Variants in EXOC4 observed in about 807,000 individuals in gnomAD.
The protein encoded by EXOC4 is SEC8-like 1.
Under a neutral mutation model 107.2 loss-of-function variants are expected in EXOC4, and 71 were observed. The ratio of observed to expected loss-of-function variants is 0.66; its 90% CI spans 0.55 to 0.81. The LOEUF (loss-of-function observed/expected upper bound fraction) is 0.81. EXOC4 is among the 30% of genes least tolerant of loss of function. The probability of loss-of-function intolerance (pLI) is 0.00; values close to 1 mark genes in which losing one functional copy is unlikely to be tolerated. For missense variants in EXOC4, 1,108 were observed against 1,189.6 expected, an observed-to-expected ratio of 0.93 and a Z score of 1.01; for synonymous variants, 456 against 441.2, an observed-to-expected ratio of 1.03 and a Z score of -0.42.
At position 133,921,076 on chromosome 7, in the gene EXOC4, C is replaced by A. The variant is rs114185082; in HGVS notation, c.2027+3338C>A. On this transcript the variant is annotated intron_variant, in intron 13 of 17. Coordinates refer to ENST00000253861, the MANE Select transcript of EXOC4 (RefSeq NM_021807.4). The stretch of plus-strand genomic sequence containing the variant: ...AGAACATCCACCATCCACCATTTGC[C>A]AGCTGCAGAACAAGGAAAGTCAGTG... Among the ~76,000 whole-genome samples the A allele has an allele frequency of 2.4e-3, 363 of 152,228 alleles. 5 individuals are homozygous for A. Among genetic ancestry groups the A allele is most frequent in the African/African-American group, 8.2e-3 (339 of 41,536 alleles).
intron 17 of EXOC4, among the ~76,000 whole-genome samples, chr7:134,037,511 G>T (rs1479241147): frequency 6.6e-6 from 1 of 152,046 alleles, no homozygotes; most frequent in Admixed American, 6.6e-5. Flanking sequence ...AATTCGTTTC[G>T]GCATACATTG....
chr7:133,941,721 A>G (rs1257707309), intron 14 of EXOC4, among the ~76,000 whole-genome samples: 1 of 152,136 alleles, frequency 6.6e-6, no homozygotes, highest in African/African-American at 2.4e-5. Context: ...TGAAGGAAAA[A>G]GAATGCATTG....
intron 10 of EXOC4, among the ~76,000 whole-genome samples, chr7:133,761,345 A>G (rs1796028273): frequency 6.6e-6 from 1 of 152,074 alleles, no homozygotes; most frequent in Admixed American, 6.6e-5. Context: ...AAAGCCTTGT[A>G]TTTTCTACCA....
At position 133,956,268 on chromosome 7, in the gene EXOC4, G is replaced by T. The variant is rs1245088004; in HGVS notation, c.2206+18199G>T. ...ATAATTAGGAGTTTAGCAGTCTCCAGATTCTTTCCATAAAACTTAAAGTAA... is the reference window on the plus strand; with the variant it reads ...ATAATTAGGAGTTTAGCAGTCTCCATATTCTTTCCATAAAACTTAAAGTAA... On this transcript the variant is annotated intron_variant, in intron 14 of 17. Coordinates refer to ENST00000253861, the MANE Select transcript of EXOC4 (RefSeq NM_021807.4). 2.0e-5 allele frequency among the ~76,000 whole-genome samples: 3 copies of T among 152,206 alleles called. No individual in the cohort carries two copies. In the East Asian group the frequency reaches 5.8e-4, roughly 29 times the overall value.
intron 16 of EXOC4, among the ~76,000 whole-genome samples, chr7:134,005,767 G>A (rs1794630670): frequency 6.6e-6 from 1 of 152,156 alleles, no homozygotes; most frequent in Non-Finnish European, 1.5e-5. Flanking sequence ...ACTTGTATCT[G>A]TGTTCTCTCA....
rs189564678 is a variant in EXOC4, at chr7:133,454,757, A to C, written c.1183-20571A>C. On this transcript the variant is annotated intron_variant, in intron 7 of 17. Transcript: ENST00000253861. ...GTGTGGGATATGTGCCAGGACCCCC[A>C]GTGGAGGCCTGAAACTAAAGATAGT... Among the ~76,000 whole-genome samples, 326 of 152,282 alleles carry C rather than the reference A, an allele frequency of 2.1e-3. 2 individuals carry two copies. The highest frequency in any genetic ancestry group is 2.7e-3 in the Non-Finnish European group (181 of 68,012).
intron 9 of EXOC4, among the ~76,000 whole-genome samples, chr7:133,613,175 T>C (rs1410964340): frequency 6.6e-6 from 1 of 152,182 alleles, no homozygotes; most frequent in African/African-American, 2.4e-5. Context: ...TATATGACTC[T>C]ATTATAAAAT....
At chr7:133,984,801 C>G (rs1379612562) in intron 14 of EXOC4, among the ~76,000 whole-genome samples, 1 of 152,108 alleles carries the variant, frequency 6.6e-6, no homozygotes, top group African/African-American at 2.4e-5. Flanking sequence ...GCCACATCTC[C>G]CATTTGGTCC....
At chr7:133,332,936 T>C (rs895577814) in intron 5 of EXOC4, among the ~76,000 whole-genome samples, 64 of 152,314 alleles carry the variant, frequency 4.2e-4, no homozygotes, top group African/African-American at 1.5e-3. Context: ...GATTTTAACC[T>C]TAATTTTTAG....
chr7:133,349,236 A>C (rs545170400), intron 5 of EXOC4, among the ~76,000 whole-genome samples: 1 of 152,108 alleles, frequency 6.6e-6, no homozygotes, highest in Non-Finnish European at 1.5e-5. Context: ...GTGTTGTGCA[A>C]CCATCACCAC....
intron 14 of EXOC4, among the ~76,000 whole-genome samples, chr7:133,965,153 C>A (rs762325115): frequency 8.5e-5 from 13 of 152,160 alleles, no homozygotes; most frequent in Non-Finnish European, 1.9e-4. Flanking sequence ...TATTCATATC[C>A]TTCACCCACA....
intron 17 of EXOC4, among the ~76,000 whole-genome samples, chr7:134,060,628 A>G (rs1236349826): frequency 6.6e-6 from 1 of 152,172 alleles, no homozygotes; most frequent in African/African-American, 2.4e-5. Context: ...TCAGTCTGAC[A>G]GTGTTTATCA....
chr7:133,763,055 G>A (rs866597346), intron 10 of EXOC4, among the ~76,000 whole-genome samples: 5 of 152,120 alleles, frequency 3.3e-5, no homozygotes, highest in Admixed American at 2.0e-4. Flanking sequence ...CACATAATGC[G>A]TTTCTAACAA....
At chr7:133,879,126 CAG>C (rs1185030018) in intron 11 of EXOC4, among the ~76,000 whole-genome samples, 1 of 152,034 alleles carries the variant, frequency 6.6e-6, no homozygotes, top group Non-Finnish European at 1.5e-5. Flanking sequence ...TTTTTTGAGA[CAG>C]AGTGTCGCTC....
intron 17 of EXOC4, among the ~76,000 whole-genome samples, chr7:134,028,413 A>G (rs1795194061): frequency 6.6e-6 from 1 of 152,270 alleles, no homozygotes; most frequent in Non-Finnish European, 1.5e-5. Flanking sequence ...AGTAGAAATT[A>G]TAACACAATT....
intron 1 of EXOC4, among the ~76,000 whole-genome samples, chr7:133,268,870 G>C (rs1326109223): frequency 6.6e-6 from 1 of 152,150 alleles, no homozygotes; most frequent in Admixed American, 6.5e-5. Flanking sequence ...TCATGGTTAA[G>C]ATGTAATTCA....
chr7:133,511,487 C>T (rs148745252), intron 9 of EXOC4, among the ~76,000 whole-genome samples: 50 of 152,238 alleles, frequency 3.3e-4, no homozygotes, highest in African/African-American at 1.2e-3. Context: ...TTTGCTGGCA[C>T]GGGAGTAGGA....
chr7:133,438,820 C>A (rs768994896), intron 7 of EXOC4, among the ~76,000 whole-genome samples: 17 of 152,300 alleles, frequency 1.1e-4, no homozygotes, highest in Admixed American at 2.6e-4. Flanking sequence ...GGACATTGTT[C>A]CTGATCTTGC....
intron 11 of EXOC4, among the ~76,000 whole-genome samples, chr7:133,877,702 TG>T (rs1212764236): frequency 6.6e-6 from 1 of 150,816 alleles, no homozygotes; most frequent in Non-Finnish European, 1.5e-5. Flanking sequence ...GAACAGTACT[TG>T]GCCGAAGGTT....
Sources: gnomAD v4.1 joint callset for allele counts (sites outside exome capture counted in the v4.1 genomes callset) on GRCh38, gnomAD v4.1.1 for gene constraint, MANE v1.5 for transcripts, NCBI Gene and HGNC (gene_info 2026-07-23, HGNC 2026-07-21) for gene names.